The following RICTOR variants were observed in gnomAD, a reference collection of about 807,000 sequenced individuals.
The protein encoded by RICTOR is rapamycin-insensitive companion of mTOR.
RICTOR carries 49 observed loss-of-function variants against 214.9 expected under a neutral mutation model. The ratio of observed to expected loss-of-function variants is 0.23; its 90% CI spans 0.18 to 0.29. The LOEUF (loss-of-function observed/expected upper bound fraction) is 0.29, where lower values mean the gene tolerates loss of function less well. Among genes scored for constraint, RICTOR ranks in the 10% least tolerant of loss-of-function variants. The pLI, the probability that RICTOR is intolerant of heterozygous loss-of-function variation, is 1.00. For missense variants in RICTOR, 1,625 were observed against 2,047.0 expected, an observed-to-expected ratio of 0.79 and a Z score of 3.98; for synonymous variants, 717 against 711.3, an observed-to-expected ratio of 1.01 and a Z score of -0.13.
intron 2 of RICTOR, among the ~76,000 whole-genome samples, chr5:39,073,847 G>C (rs1019823685): frequency 6.6e-6 from 1 of 152,168 alleles, no homozygotes; most frequent in African/African-American, 2.4e-5. Flanking sequence ...GGTCTGCCGA[G>C]TTCCACTCGG....
At chr5:39,013,978 A>C (rs549405122) in intron 3 of RICTOR, among the ~76,000 whole-genome samples, 3 of 152,268 alleles carry the variant, frequency 2.0e-5, no homozygotes, top group South Asian at 4.1e-4. Context: ...TAAGATTATA[A>C]TACTATATTT....
chr5:39,030,661 A>T (rs1253842903), intron 2 of RICTOR, among the ~76,000 whole-genome samples: 1 of 152,192 alleles, frequency 6.6e-6, no homozygotes, highest in African/African-American at 2.4e-5. Flanking sequence ...GAGGACAAGG[A>T]CATCTTGCTT....
chr5:39,003,920 T>G (rs1753831212), intron 3 of RICTOR, among the ~76,000 whole-genome samples: 1 of 152,174 alleles, frequency 6.6e-6, no homozygotes, highest in Non-Finnish European at 1.5e-5. Flanking sequence ...TAGTGGCTAC[T>G]ATTAAGATTA....
chr5:39,052,555 G>C (rs887209706), intron 2 of RICTOR, among the ~76,000 whole-genome samples: 12 of 152,162 alleles, frequency 7.9e-5, no homozygotes, highest in Non-Finnish European at 1.5e-4. Flanking sequence ...GTAAACTGTA[G>C]TTGATCCAGA....
intron 2 of RICTOR, among the ~76,000 whole-genome samples, chr5:39,033,404 C>T (rs1187446032): frequency 6.6e-6 from 1 of 152,092 alleles, no homozygotes; most frequent in Non-Finnish European, 1.5e-5. Context: ...GCTGGGATTA[C>T]AGGTGTGTGC....
chr5:39,021,881 G>C (rs939682762), intron 2 of RICTOR, among the ~76,000 whole-genome samples: 1 of 152,056 alleles, frequency 6.6e-6, no homozygotes, highest in African/African-American at 2.4e-5. Flanking sequence ...GTAGTAAAAG[G>C]GACGAAATAT....
intron 2 of RICTOR, among the ~76,000 whole-genome samples, chr5:39,032,480 A>G (rs1756346026): frequency 1.3e-5 from 2 of 152,208 alleles, no homozygotes; most frequent in African/African-American, 4.8e-5. Flanking sequence ...CATGGACTTC[A>G]TTTCTGGTTC....
chr5:39,013,726 C>CA (rs796676073), intron 3 of RICTOR, among the ~76,000 whole-genome samples: 3 of 151,786 alleles, frequency 2.0e-5, no homozygotes, highest in Non-Finnish European at 2.9e-5. Flanking sequence ...CACAGAGCTA[C>CA]AAAAAAAGTA....
chr5:38,940,143 C>CAAAAAAAAAAAAAAAA lies in RICTOR; in HGVS notation c.*2160_*2161insTTTTTTTTTTTTTTTT, dbSNP rs68031684. Reference sequence around the variant, plus strand: ...TCAAAGTAACAGTAAAAAAAAAAAACAAAAAAAAAAACACAAAACATTCAG... The same window carrying CAAAAAAAAAAAAAAAA: ...TCAAAGTAACAGTAAAAAAAAAAAACAAAAAAAAAAAAAAAAAAAAAAAAAAACACAAAACATTCAG... On this transcript the variant is annotated 3_prime_UTR_variant, in exon 38 of 38. Transcript: ENST00000357387. 2 of 178,680 alleles carry CAAAAAAAAAAAAAAAA rather than the reference C, an allele frequency of 1.1e-5. No homozygotes were observed. The highest frequency in any genetic ancestry group is 5.3e-5 in the African/African-American group (2 of 37,542). The allele number at this position is 178,680 out of a possible 1,614,324, so 11.1% of individuals were successfully genotyped here. A position where few individuals can be genotyped will look rare whatever the true frequency, so the allele number is the denominator to read the frequency against.
chr5:39,068,637 A>T lies in RICTOR; in HGVS notation c.97+5474T>A, dbSNP rs1759078959. ...TCTGGGAAATAATCCTGGCAGGCAT[A>T]CAGTAGACCGAGTGAAAAAAGGTGA... On this transcript the variant is annotated intron_variant, in intron 2 of 37. Transcript: ENST00000357387. Among the ~76,000 whole-genome samples, 5 of 152,338 alleles carry T rather than the reference A, an allele frequency of 3.3e-5. No individual in the cohort carries two copies. The South Asian group carries it at 1.0e-3, about 32-fold the overall frequency.
chr5:38,942,344 G>C lies in RICTOR; in HGVS notation c.5087C>G (p.Pro1696Arg). The C allele has an allele frequency of 3.1e-6, 5 of 1,597,764 alleles. No homozygotes were observed. Among genetic ancestry groups the C allele is most frequent in the Non-Finnish European group, 4.3e-6 (5 of 1,169,288 alleles). ...HEEAEAVLATPPKQPIVDTSA... is the reference protein window; with the variant it reads ...HEEAEAVLATRPKQPIVDTSA... ...TGTATCAACTATAGGTTGCTTTGGT[G>C]GTGTTGCCAACACAGCCTCTGCTTC... Residue 1696 changes from proline (P) to arginine (R), a missense_variant, in exon 38 of 38, where the codon CCA becomes CGA. By Grantham distance (103) the Pro-to-Arg change is moderately radical. Around this residue, in one of 5 missense-constraint regions of RICTOR, gnomAD observed 38 missense variants for 34.8 expected, o/e 1.09. Coordinates refer to ENST00000357387, the MANE Select transcript of RICTOR (RefSeq NM_152756.5).
At chr5:38,960,752 CAT>C (rs35904737) in intron 19 of RICTOR, among the ~76,000 whole-genome samples, 144,661 of 152,024 alleles carry the variant, frequency 0.95, 69,010 homozygotes, top group East Asian at 0.99. Context: ...ATAATCCCCA[CAT>C]GTCATGAAAG....
chr5:39,051,142 A>G (rs78717349), intron 2 of RICTOR, among the ~76,000 whole-genome samples: 5,022 of 152,182 alleles, frequency 0.033, 133 homozygotes, highest in South Asian at 0.081. Context: ...ACTTACATAT[A>G]AGCAGCAGGA....
At chr5:39,045,893 A>G (rs1757456425) in intron 2 of RICTOR, among the ~76,000 whole-genome samples, 1 of 152,002 alleles carries the variant, frequency 6.6e-6, no homozygotes, top group Non-Finnish European at 1.5e-5. Flanking sequence ...AACCTGAAAA[A>G]TATGTTGTTA....
intron 6 of RICTOR, among the ~76,000 whole-genome samples, chr5:38,996,464 A>ATGC (rs1417263935): frequency 6.6e-6 from 1 of 152,218 alleles, no homozygotes; most frequent in East Asian, 1.9e-4. Context: ...TAATACTATT[A>ATGC]ACTCTAAGTA....
At chr5:39,041,588 G>A (rs1757170547) in intron 2 of RICTOR, among the ~76,000 whole-genome samples, 1 of 152,110 alleles carries the variant, frequency 6.6e-6, no homozygotes, top group Non-Finnish European at 1.5e-5. Context: ...ACGGCTTAGA[G>A]ATGGAAAAAA....
At chr5:39,034,842 C>T (rs912298735) in intron 2 of RICTOR, among the ~76,000 whole-genome samples, 9 of 152,356 alleles carry the variant, frequency 5.9e-5, no homozygotes, top group African/African-American at 1.9e-4. Context: ...TGGAGCCCAC[C>T]GCAGCTCAAG....
chr5:39,014,770 A>G (rs1754814448), intron 3 of RICTOR, among the ~76,000 whole-genome samples: 2 of 152,172 alleles, frequency 1.3e-5, no homozygotes, highest in African/African-American at 4.8e-5. Context: ...TGTGACATTC[A>G]CATGGTTAAA....
At chr5:39,044,340 TTATAG>T (rs1757349768) in intron 2 of RICTOR, among the ~76,000 whole-genome samples, 1 of 152,178 alleles carries the variant, frequency 6.6e-6, no homozygotes, top group Non-Finnish European at 1.5e-5. Flanking sequence ...TATTGTCCTT[TTATAG>T]TAAACAAGAC....
Sources: gnomAD v4.1 joint callset for allele counts (sites outside exome capture counted in the v4.1 genomes callset) on GRCh38, gnomAD v4.1.1 for gene constraint, gnomAD v4.1.1 regional missense constraint, MANE v1.5 for transcripts, NCBI Gene and HGNC (gene_info 2026-07-23, HGNC 2026-07-21) for gene names.